TLL2: variants seen among roughly 807,000 people sequenced by gnomAD.
TLL2 encodes tolloid-like protein 2.
TLL2 carries 106 observed loss-of-function variants against 123.0 expected under a neutral mutation model. That is an observed-to-expected ratio of 0.86 (90% CI 0.74 to 1.01). The LOEUF (loss-of-function observed/expected upper bound fraction) is 1.01. Ranked by LOEUF, TLL2 falls within the 50% of genes least tolerant of loss-of-function variation. TLL2 has a pLI of 0.00. For synonymous variants in TLL2, 494 were observed against 516.8 expected, an observed-to-expected ratio of 0.96 and a Z score of 0.60; for missense variants, 1,332 against 1,336.7, an observed-to-expected ratio of 1.00 and a Z score of 0.06.
intron 2 of TLL2, among the ~76,000 whole-genome samples, chr10:96,451,874 G>A (rs1041719853): frequency 6.6e-6 from 1 of 152,174 alleles, no homozygotes; most frequent in African/African-American, 2.4e-5. Context: ...AACCTTGCAG[G>A]ACGGCAGCCT....
At chr10:96,512,451 C>G (rs1485277142) in intron 1 of TLL2, among the ~76,000 whole-genome samples, 2 of 152,238 alleles carry the variant, frequency 1.3e-5, no homozygotes, top group African/African-American at 4.8e-5. Context: ...CCACAGGCCC[C>G]GCAGAGACCT....
chr10:96,511,615 A>C (rs147132019), intron 1 of TLL2, among the ~76,000 whole-genome samples: 2 of 152,340 alleles, frequency 1.3e-5, no homozygotes, highest in East Asian at 3.9e-4. Context: ...ACTGGGGAAA[A>C]TGAGGCTGTA....
chr10:96,463,556 A>G (rs942190077), intron 2 of TLL2, among the ~76,000 whole-genome samples: 1 of 152,132 alleles, frequency 6.6e-6, no homozygotes, highest in Non-Finnish European at 1.5e-5. Flanking sequence ...AACTGACACA[A>G]ATTAGAGTTG....
intron 3 of TLL2, among the ~76,000 whole-genome samples, chr10:96,445,038 C>A (rs377582720): frequency 0.018 from 2,684 of 152,052 alleles, 83 homozygotes; most frequent in African/African-American, 0.061. Flanking sequence ...AAATACAAAA[C>A]ATTAGCCGGG....
At chr10:96,459,694 AAAAAAAAAAAAATATAT>A (rs1408520817) in intron 2 of TLL2, among the ~76,000 whole-genome samples, 2 of 72,890 alleles carry the variant, frequency 2.7e-5, no homozygotes, top group African/African-American at 1.1e-4. Flanking sequence ...AAAAAAAAAA[AAAAAAAAAAAAATATAT>A]ATATATATAT....
intron 2 of TLL2, among the ~76,000 whole-genome samples, chr10:96,467,016 G>A (rs764166344): frequency 1.3e-5 from 2 of 152,170 alleles, no homozygotes; most frequent in Non-Finnish European, 2.9e-5. Flanking sequence ...TAAAAAATTA[G>A]TTTAGTTCAT....
At chr10:96,463,329 A>G (rs944580818) in intron 2 of TLL2, among the ~76,000 whole-genome samples, 2 of 152,164 alleles carry the variant, frequency 1.3e-5, no homozygotes, top group Non-Finnish European at 2.9e-5. Flanking sequence ...CCCAACGTTC[A>G]TTTCAGAGTA....
intron 2 of TLL2, among the ~76,000 whole-genome samples, chr10:96,447,920 G>A (rs1182928820): frequency 6.6e-6 from 1 of 152,102 alleles, no homozygotes; most frequent in East Asian, 1.9e-4. Context: ...ACACCCGGTG[G>A]TCTTCCCTGG....
chr10:96,378,353 G>A (rs1460993515), intron 17 of TLL2, among the ~76,000 whole-genome samples: 1 of 152,180 alleles, frequency 6.6e-6, no homozygotes, highest in Admixed American at 6.6e-5. Flanking sequence ...AGAACAGAAG[G>A]AAGGCTTTTT....
intron 18 of TLL2, among the ~76,000 whole-genome samples, chr10:96,374,973 G>A (rs1421086432): frequency 7.1e-6 from 1 of 141,708 alleles, no homozygotes; most frequent in Admixed American, 7.2e-5. Flanking sequence ...GGGGGGGGGG[G>A]GGGGTGTCAA....
chr10:96,493,461 C>A (rs1275965651), intron 1 of TLL2, among the ~76,000 whole-genome samples: 1 of 152,138 alleles, frequency 6.6e-6, no homozygotes, highest in South Asian at 2.1e-4. Context: ...AAGAGCAAGG[C>A]ACTGTCAGGG....
At chr10:96,383,945 T>C (rs1051817109) in intron 16 of TLL2, among the ~76,000 whole-genome samples, 2 of 152,296 alleles carry the variant, frequency 1.3e-5, no homozygotes, top group Non-Finnish European at 2.9e-5. Flanking sequence ...CCTCTTTTTC[T>C]TTATCAATTA....
At position 96,513,689 on chromosome 10, in the gene TLL2, G is replaced by A; in HGVS notation, c.-4C>T. The A allele has an allele frequency of 6.6e-7, 1 of 1,522,344 alleles. No homozygotes were observed. The highest frequency in any genetic ancestry group is 1.2e-5 in the South Asian group (1 of 82,786). The allele number at this position is 1,522,344 out of a possible 1,614,324, so 94.3% of individuals were successfully genotyped here. A position where few individuals can be genotyped will look rare whatever the true frequency, so the allele number is the denominator to read the frequency against. On this transcript the variant is annotated 5_prime_UTR_variant, in exon 1 of 21. Transcript: ENST00000357947. ...CAAGTGCAGTCGCCCGGGGCATGGT[G>A]GCGCGGGGCCGGCTGGGGCAGAGGG...
intron 1 of TLL2, among the ~76,000 whole-genome samples, chr10:96,504,676 G>T (rs1847562337): frequency 6.6e-6 from 1 of 152,096 alleles, no homozygotes; most frequent in Non-Finnish European, 1.5e-5. Flanking sequence ...AAATCACCAG[G>T]CTTTGAGTAT....
At chr10:96,396,587 T>C (rs557887515) in intron 11 of TLL2, among the ~76,000 whole-genome samples, 122 of 149,752 alleles carry the variant, frequency 8.1e-4, no homozygotes, top group Non-Finnish European at 1.2e-3. Flanking sequence ...CTTTCTTTTT[T>C]TTTTTTTTTT....
chr10:96,438,737 C>A (rs1366262491), intron 3 of TLL2, among the ~76,000 whole-genome samples: 1 of 152,208 alleles, frequency 6.6e-6, no homozygotes, highest in Non-Finnish European at 1.5e-5. Context: ...TGTTCTTGGT[C>A]TTGGGAAAAG....
At chr10:96,435,786 G>A (rs1846790190) in intron 3 of TLL2, among the ~76,000 whole-genome samples, 1 of 152,048 alleles carries the variant, frequency 6.6e-6, no homozygotes, top group Non-Finnish European at 1.5e-5. Context: ...CTAGCTTCTC[G>A]AGTTGAATAC....
intron 19 of TLL2, among the ~76,000 whole-genome samples, chr10:96,372,657 G>A (rs991792695): frequency 6.6e-6 from 1 of 152,146 alleles, no homozygotes; most frequent in Non-Finnish European, 1.5e-5. Flanking sequence ...TTCCAGAACT[G>A]GTCCTTACAG....
intron 1 of TLL2, among the ~76,000 whole-genome samples, chr10:96,506,063 C>G (rs61572330): frequency 0.011 from 1,642 of 151,652 alleles, 30 homozygotes; most frequent in African/African-American, 0.036. Flanking sequence ...ACCAGCCTAG[C>G]CAACCTGGGG....
Sources: gnomAD v4.1 joint callset for allele counts (sites outside exome capture counted in the v4.1 genomes callset) on GRCh38, gnomAD v4.1.1 for gene constraint, MANE v1.5 for transcripts, NCBI Gene and HGNC (gene_info 2026-07-23, HGNC 2026-07-21) for gene names.